The following AGMO variants were observed in gnomAD, a reference collection of about 807,000 sequenced individuals.
The protein encoded by AGMO is alkylglycerol monooxygenase.
A neutral mutation model predicts 60.2 loss-of-function variants in AGMO; 75 were observed. The observed-to-expected ratio is 1.25, with a 90% CI of 1.03 to 1.51. AGMO has a LOEUF of 1.51. AGMO is among the 40% of genes most tolerant of loss of function. The pLI is 0.00. For synonymous variants in AGMO, 261 were observed against 177.1 expected (o/e 1.47, Z -3.76); for missense variants, 763 against 525.5 (o/e 1.45, Z -4.42).
At chr7:15,504,828 A>G (rs1462067817) in intron 3 of AGMO, among the ~76,000 whole-genome samples, 1 of 151,864 alleles carries the variant, frequency 6.6e-6, no homozygotes. Context: ...GAGTCCTAGA[A>G]GAATGTCCCT....
At chr7:15,453,958 T>C (rs943227289) in intron 3 of AGMO, among the ~76,000 whole-genome samples, 1 of 148,394 alleles carries the variant, frequency 6.7e-6, no homozygotes, top group African/African-American at 2.4e-5. Context: ...ATGTAATATA[T>C]AAACATGTAA....
chr7:15,384,892 T>C (rs1783852543), intron 10 of AGMO, among the ~76,000 whole-genome samples: 1 of 150,498 alleles, frequency 6.6e-6, no homozygotes, highest in South Asian at 2.1e-4. Flanking sequence ...ACCTAGGTAG[T>C]ATGAGTATTC....
At chr7:15,321,922 A>AT (rs1306498207) in intron 12 of AGMO, among the ~76,000 whole-genome samples, 1 of 152,016 alleles carries the variant, frequency 6.6e-6, no homozygotes, top group Non-Finnish European at 1.5e-5. Context: ...TTGGAGGTCT[A>AT]TTTAATACAA....
At chr7:15,280,830 A>G (rs992622481) in intron 12 of AGMO, among the ~76,000 whole-genome samples, 1 of 152,168 alleles carries the variant, frequency 6.6e-6, no homozygotes, top group East Asian at 1.9e-4. Flanking sequence ...TACTACTACA[A>G]TCAGTATCTG....
chr7:15,297,206 A>G (rs10244398), intron 12 of AGMO, among the ~76,000 whole-genome samples: 6,236 of 152,266 alleles, frequency 0.041, 415 homozygotes, highest in African/African-American at 0.14. Flanking sequence ...GAAAGATAGC[A>G]TAAGTACGAA....
At chr7:15,198,058 A>G (rs1182922502), downstream of AGMO, among the ~76,000 whole-genome samples, 1 of 152,198 alleles carries the variant, frequency 6.6e-6, no homozygotes, top group Non-Finnish European at 1.5e-5. Flanking sequence ...ACTACTCATT[A>G]AACAAATGCT....
chr7:15,549,201 G>A (rs1336438559), intron 2 of AGMO, among the ~76,000 whole-genome samples: 68 of 142,428 alleles, frequency 4.8e-4, no homozygotes, highest in African/African-American at 1.6e-3. Flanking sequence ...GGTACCAGCC[G>A]CTGCAAAATC....
At chr7:15,285,915 G>C (rs1784085479) in intron 12 of AGMO, among the ~76,000 whole-genome samples, 1 of 151,662 alleles carries the variant, frequency 6.6e-6, no homozygotes, top group Non-Finnish European at 1.5e-5. Context: ...CCCAAGTAAA[G>C]CCAAATACTT....
intron 3 of AGMO, among the ~76,000 whole-genome samples, chr7:15,543,527 T>C (rs768644382): frequency 6.6e-6 from 1 of 152,152 alleles, no homozygotes; most frequent in African/African-American, 2.4e-5. Flanking sequence ...TCATTTGTAA[T>C]GTGGAAGTAC....
chr7:15,216,203 G>C (rs1583298473), intron 12 of AGMO, among the ~76,000 whole-genome samples: 1 of 152,148 alleles, frequency 6.6e-6, no homozygotes, highest in East Asian at 1.9e-4. Flanking sequence ...GTCTAACTAG[G>C]ACTGTGATGC....
chr7:15,420,338 C>T (rs1583533439), intron 4 of AGMO, among the ~76,000 whole-genome samples: 1 of 152,014 alleles, frequency 6.6e-6, no homozygotes, highest in East Asian at 1.9e-4. Flanking sequence ...ATGAGTTTAC[C>T]ATAGGATTAG....
chr7:15,420,240 AC>A (rs1346872006), intron 4 of AGMO, among the ~76,000 whole-genome samples: 1 of 152,074 alleles, frequency 6.6e-6, no homozygotes, highest in African/African-American at 2.4e-5. Context: ...AAATTAAACA[AC>A]TGAAGTTTCT....
At chr7:15,198,223 G>GAGAGAGAGAGAC (rs1563030378), downstream of AGMO, among the ~76,000 whole-genome samples, 13 of 111,650 alleles carry the variant, frequency 1.2e-4, no homozygotes, top group African/African-American at 3.0e-4. Context: ...GAGAGAGAGA[G>GAGAGAGAGAGAC]AGAGAGAGAG....
chr7:15,455,211 G>A (rs1208294607), intron 3 of AGMO, among the ~76,000 whole-genome samples: 4 of 151,810 alleles, frequency 2.6e-5, no homozygotes, highest in Non-Finnish European at 4.4e-5. Flanking sequence ...AAGATGTTGT[G>A]CACTGCTGAG....
intron 3 of AGMO, among the ~76,000 whole-genome samples, chr7:15,464,196 G>T (rs1411871520): frequency 6.6e-6 from 1 of 152,148 alleles, no homozygotes; most frequent in Non-Finnish European, 1.5e-5. Flanking sequence ...TTTCTGCAGT[G>T]CTGTGGCTGA....
intron 12 of AGMO, among the ~76,000 whole-genome samples, chr7:15,253,416 C>G (rs1782999103): frequency 6.6e-6 from 1 of 151,990 alleles, no homozygotes; most frequent in Non-Finnish European, 1.5e-5. Flanking sequence ...ATTAGTCATT[C>G]AAGTAGAAAG....
At chr7:15,405,523 A>G (rs963108244) in intron 5 of AGMO, among the ~76,000 whole-genome samples, 2 of 151,926 alleles carry the variant, frequency 1.3e-5, no homozygotes, top group Non-Finnish European at 2.9e-5. Context: ...CATTCACATT[A>G]TTCTGATGCA....
chr7:15,151,406 G>A, the AGMO span, among the ~76,000 whole-genome samples: 1 of 151,972 alleles, frequency 6.6e-6, no homozygotes, highest in Non-Finnish European at 1.5e-5. Context: ...TCCCCTAGGT[G>A]TGATGTTAGA....
Position 15,418,612 on chromosome 7 carries a change from T to C in AGMO, c.555A>G (p.Val185=), listed in dbSNP as rs1780845571. Residue 185 remains valine, a synonymous_variant, in exon 5 of 13, where the codon GTA becomes GTG. Transcript: ENST00000342526. ...SPLALFIPPS[V]YAVHLQFNLL... is the part of the protein sequence containing the mutation. ...GATTGAATTGAAGATGAACAGCATATACTGAAGGGGGTATGAAGAGGGCCA... is the reference window on the plus strand; with the variant it reads ...GATTGAATTGAAGATGAACAGCATACACTGAAGGGGGTATGAAGAGGGCCA... 6.3e-7 allele frequency: 1 copy of C among 1,582,986 alleles called. No individual in the cohort carries two copies.
Sources: gnomAD v4.1 joint callset for allele counts (sites outside exome capture counted in the v4.1 genomes callset) on GRCh38, gnomAD v4.1.1 for gene constraint, MANE v1.5 for transcripts, NCBI Gene and HGNC (gene_info 2026-07-23, HGNC 2026-07-21) for gene names.